SDK1: variants seen among roughly 807,000 people sequenced by gnomAD.
SDK1 encodes the protein protein sidekick-1.
In SDK1, 157 loss-of-function variants were observed where a neutral mutation model predicts 245.5. That is an observed-to-expected ratio of 0.64 (90% CI 0.56 to 0.73). The LOEUF (loss-of-function observed/expected upper bound fraction) is 0.73, where lower values mean the gene tolerates loss of function less well. Among genes scored for constraint, SDK1 ranks in the 30% least tolerant of loss-of-function variants. SDK1 has a pLI of 0.00. For synonymous variants in SDK1, 1,647 were observed against 1,278.5 expected (o/e 1.29, Z -6.15); for missense variants, 3,583 against 3,002.3 (o/e 1.19, Z -4.52).
intron 1 of SDK1, among the ~76,000 whole-genome samples, chr7:3,583,559 C>T (rs1471082495): frequency 6.6e-6 from 1 of 152,156 alleles, no homozygotes; most frequent in African/African-American, 2.4e-5. Flanking sequence ...TTATCATTCA[C>T]TGAGTAACTA....
chr7:4,129,739 C>T (rs1335208848), intron 26 of SDK1, 169 bp from the exon 27 acceptor site: 22 of 1,431,178 alleles, frequency 1.5e-5, no homozygotes, highest in Non-Finnish European at 2.0e-5. Context: ...ACCTTCCTCC[C>T]CAAATGCCAG....
intron 4 of SDK1, among the ~76,000 whole-genome samples, chr7:3,785,614 A>T (rs1280398729): frequency 6.6e-6 from 1 of 152,232 alleles, no homozygotes; most frequent in African/African-American, 2.4e-5. Flanking sequence ...TATTGGTGTA[A>T]ATGCTTTATA....
chr7:3,557,030 A>G (rs1042887070), intron 1 of SDK1, among the ~76,000 whole-genome samples: 1 of 90,648 alleles, frequency 1.1e-5, no homozygotes, highest in Non-Finnish European at 2.5e-5. Context: ...TCAATAATCT[A>G]AGTTAATACC....
At chr7:3,802,507 C>G (rs576720508) in intron 4 of SDK1, among the ~76,000 whole-genome samples, 1 of 151,908 alleles carries the variant, frequency 6.6e-6, no homozygotes, top group Non-Finnish European at 1.5e-5. Context: ...TGCACTCCAA[C>G]CTGGGGAGCA....
chr7:3,412,322 CT>C (rs2128577842), intron 1 of SDK1, among the ~76,000 whole-genome samples: 1 of 152,254 alleles, frequency 6.6e-6, no homozygotes, highest in East Asian at 1.9e-4. Flanking sequence ...TCTCTTCCCT[CT>C]TTTATTTTTC....
intron 1 of SDK1, among the ~76,000 whole-genome samples, chr7:3,433,647 G>A (rs570057393): frequency 2.8e-4 from 42 of 152,240 alleles, no homozygotes; most frequent in Admixed American, 7.8e-4. Context: ...TCTTTGTATG[G>A]CAGGCTTTAG....
At chr7:4,118,589 A>G (rs1783865332) in intron 25 of SDK1, among the ~76,000 whole-genome samples, 1 of 152,126 alleles carries the variant, frequency 6.6e-6, no homozygotes, top group Non-Finnish European at 1.5e-5. Flanking sequence ...TGTACCCAAG[A>G]GAGCAGAAAA....
chr7:4,146,855 G>A (rs1584289975), intron 29 of SDK1, among the ~76,000 whole-genome samples: 1 of 152,232 alleles, frequency 6.6e-6, no homozygotes, highest in African/African-American at 2.4e-5. Context: ...CCAAAGATGA[G>A]ACAGAGGAAA....
At chr7:3,607,790 A>G (rs1308966218) in intron 1 of SDK1, among the ~76,000 whole-genome samples, 10 of 152,244 alleles carry the variant, frequency 6.6e-5, no homozygotes, top group Non-Finnish European at 2.9e-5. Flanking sequence ...CTGTGACAAC[A>G]TGTTTTAATA....
intron 30 of SDK1, among the ~76,000 whole-genome samples, chr7:4,153,374 T>C (rs1025722340): frequency 6.6e-6 from 1 of 151,862 alleles, no homozygotes; most frequent in African/African-American, 2.4e-5. Context: ...TCACCTGAGG[T>C]CAGGAGATCG....
At chr7:4,098,824 CTTTTTTTT>C (rs58678214) in intron 22 of SDK1, among the ~76,000 whole-genome samples, 11 of 82,862 alleles carry the variant, frequency 1.3e-4, no homozygotes, top group African/African-American at 5.5e-4. Flanking sequence ...CCACAATGCC[CTTTTTTTT>C]TTTTTTTTTT....
intron 4 of SDK1, among the ~76,000 whole-genome samples, chr7:3,808,983 C>G (rs1370463305): frequency 6.6e-6 from 1 of 152,082 alleles, no homozygotes; most frequent in Non-Finnish European, 1.5e-5. Flanking sequence ...ACTGAGGATC[C>G]AGCATCACCA....
At chr7:4,194,369 TATAC>T (rs1720073714) in intron 35 of SDK1, among the ~76,000 whole-genome samples, 1 of 102,936 alleles carries the variant, frequency 9.7e-6, no homozygotes, top group Non-Finnish European at 2.0e-5. Context: ...CACGTATGTG[TATAC>T]ATGTATGTGT....
intron 27 of SDK1, among the ~76,000 whole-genome samples, chr7:4,131,818 C>G (rs958352921): frequency 7.1e-6 from 1 of 141,646 alleles, no homozygotes; most frequent in African/African-American, 2.6e-5. Context: ...AGGTGGCATG[C>G]CTACGAGAGA....
At chr7:3,938,095 C>G (rs1234357273) in intron 5 of SDK1, among the ~76,000 whole-genome samples, 1 of 152,164 alleles carries the variant, frequency 6.6e-6, no homozygotes, top group Non-Finnish European at 1.5e-5. Context: ...CCTTGACCTC[C>G]CAAAGTGCTG....
intron 1 of SDK1, among the ~76,000 whole-genome samples, chr7:3,390,418 T>C (rs752333599): frequency 1.3e-5 from 2 of 152,226 alleles, no homozygotes; most frequent in Non-Finnish European, 2.9e-5. Context: ...GTAAGAACTG[T>C]GCATCCTCTT....
intron 34 of SDK1, among the ~76,000 whole-genome samples, chr7:4,177,781 T>C (rs999443845): frequency 2.0e-5 from 3 of 152,182 alleles, no homozygotes; most frequent in Non-Finnish European, 4.4e-5. Context: ...TAATATAGAA[T>C]AGAGTGAAAT....
At position 3,743,449 on chromosome 7, in the gene SDK1, G is replaced by A. The variant is rs74644648; in HGVS notation, c.714-78001G>A. On this transcript the variant is annotated intron_variant, in intron 4 of 44. Transcript: ENST00000404826. ...CTGTATACAGAGCTAGAACTGGCAAGTTAGAGTGGACCTTTTACTTTAATT... is the reference window on the plus strand; with the variant it reads ...CTGTATACAGAGCTAGAACTGGCAAATTAGAGTGGACCTTTTACTTTAATT... Among the ~76,000 whole-genome samples, 1,141 of 152,238 alleles carry A rather than the reference G, an allele frequency of 7.5e-3. 15 individuals carry two copies. Among genetic ancestry groups the A allele is most frequent in the African/African-American group, 0.026 (1,099 of 41,536 alleles).
At chr7:3,316,131 A>C (rs1779657689) in intron 1 of SDK1, among the ~76,000 whole-genome samples, 1 of 152,206 alleles carries the variant, frequency 6.6e-6, no homozygotes, top group Non-Finnish European at 1.5e-5. Flanking sequence ...GTTGTAAATG[A>C]AAATTAGGAC....
Sources: gnomAD v4.1 joint callset for allele counts (sites outside exome capture counted in the v4.1 genomes callset) on GRCh38, gnomAD v4.1.1 for gene constraint, MANE v1.5 for transcripts, NCBI Gene and HGNC (gene_info 2026-07-23, HGNC 2026-07-21) for gene names.